The following SPATS2L variants were observed in gnomAD, a reference collection of about 807,000 sequenced individuals.
SPATS2L encodes the protein spermatogenesis associated serine rich 2 like.
A neutral mutation model predicts 59.6 loss-of-function variants in SPATS2L; 30 were observed. That is an observed-to-expected ratio of 0.50 (90% CI 0.38 to 0.68). The LOEUF (loss-of-function observed/expected upper bound fraction) is 0.68. SPATS2L is among the 30% of genes least tolerant of loss of function. SPATS2L has a pLI of 0.00. For synonymous variants in SPATS2L, 252 were observed against 263.5 expected, an observed-to-expected ratio of 0.96 and a Z score of 0.42; for missense variants, 615 against 700.0, an observed-to-expected ratio of 0.88 and a Z score of 1.37.
At chr2:200,392,268 G>A (rs2082194257) in intron 3 of SPATS2L, among the ~76,000 whole-genome samples, 1 of 152,108 alleles carries the variant, frequency 6.6e-6, no homozygotes, top group South Asian at 2.1e-4. Context: ...TGACGTTTAA[G>A]TTGATCACCA....
At chr2:200,396,427 A>T (rs1469319548) in intron 3 of SPATS2L, among the ~76,000 whole-genome samples, 1 of 152,180 alleles carries the variant, frequency 6.6e-6, no homozygotes, top group Non-Finnish European at 1.5e-5. Flanking sequence ...TGGAGATAGA[A>T]GGTGTTCATG....
intron 11 of SPATS2L, 27 bp from the exon 12 acceptor site, chr2:200,472,805 G>A (rs777764312): frequency 6.3e-6 from 10 of 1,592,664 alleles, no homozygotes; most frequent in Middle Eastern, 1.7e-4. Context: ...GGTGCAGCTC[G>A]TAACACTGAG....
intron 1 of SPATS2L, among the ~76,000 whole-genome samples, chr2:200,310,946 A>G (rs1379028565): frequency 1.3e-5 from 2 of 152,222 alleles, no homozygotes; most frequent in African/African-American, 4.8e-5. Context: ...TCGTTCCTCT[A>G]GACCATCACA....
In SPATS2L at chr2:200,416,448, TA is replaced by T; in HGVS notation, c.198+23del. On this transcript the variant is annotated intron_variant, in intron 5 of 12. Coordinates refer to ENST00000409140, the MANE Select transcript of SPATS2L (RefSeq NM_001100423.2). ...AAGAAGGTAAGATTAATATTGATTG[TA>T]AATTGGTAACATCTTCAATCAAAAC... 1 of 1,306,296 alleles carries T rather than the reference TA, an allele frequency of 7.7e-7. No individual in the cohort carries two copies. The highest frequency in any genetic ancestry group is 1.0e-6 in the Non-Finnish European group (1 of 957,962). The allele number at this position is 1,306,296 out of a possible 1,614,324, so 80.9% of individuals were successfully genotyped here.
At chr2:200,360,783 C>CT (rs986480309) in intron 2 of SPATS2L, among the ~76,000 whole-genome samples, 7 of 152,060 alleles carry the variant, frequency 4.6e-5, no homozygotes, top group African/African-American at 1.2e-4. Flanking sequence ...AGCACTCTTT[C>CT]TTTTTTTACC....
At chr2:200,469,874 T>G (rs766854218) in intron 10 of SPATS2L, 40 bp from the exon 11 acceptor site, 12 of 1,532,562 alleles carry the variant, frequency 7.8e-6, no homozygotes, top group Non-Finnish European at 9.8e-6. Context: ...TGGTCATTTC[T>G]GTAATCATGG....
chr2:200,421,191 T>C (rs998739800), intron 6 of SPATS2L, among the ~76,000 whole-genome samples: 4 of 152,166 alleles, frequency 2.6e-5, no homozygotes, highest in Admixed American at 2.0e-4. Context: ...CTGGTGAGTT[T>C]AAGGTTTGGG....
chr2:200,405,089 A>G (rs1028734153), intron 3 of SPATS2L, among the ~76,000 whole-genome samples: 1 of 152,194 alleles, frequency 6.6e-6, no homozygotes, highest in Non-Finnish European at 1.5e-5. Flanking sequence ...GGATAAGGCC[A>G]TGGACGTCTT....
chr2:200,377,987 G>T (rs1356986040), intron 2 of SPATS2L: 2 of 152,476 alleles, frequency 1.3e-5, no homozygotes, highest in Non-Finnish European at 2.9e-5. Context: ...TGAGTGTAAA[G>T]GTTGCAAGTT....
intron 8 of SPATS2L, among the ~76,000 whole-genome samples, chr2:200,458,043 C>T (rs963414196): frequency 1.3e-5 from 2 of 151,902 alleles, no homozygotes; most frequent in Non-Finnish European, 2.9e-5. Context: ...TACAAACAAG[C>T]AAAAAAATCT....
chr2:200,438,993 G>A (rs2084498055), intron 6 of SPATS2L, 129 bp from the exon 7 acceptor site: 6 of 688,624 alleles, frequency 8.7e-6, no homozygotes, highest in Non-Finnish European at 1.5e-5. Context: ...ACAGTTTCTT[G>A]ACTGTTTGCA....
chr2:200,442,802 C>T (rs570931204), intron 8 of SPATS2L, among the ~76,000 whole-genome samples: 5 of 152,264 alleles, frequency 3.3e-5, no homozygotes, highest in South Asian at 4.2e-4. Flanking sequence ...GAGCTGAAAG[C>T]GTGGGGCCAG....
chr2:200,352,542 G>A (rs1216784110), intron 2 of SPATS2L, among the ~76,000 whole-genome samples: 1 of 151,178 alleles, frequency 6.6e-6, no homozygotes, highest in East Asian at 1.9e-4. Context: ...TTAACCCTTA[G>A]CTCTAGAATA....
At chr2:200,459,643 G>A (rs757845725) in intron 8 of SPATS2L, 126 bp from the exon 9 acceptor site, 12 of 748,196 alleles carry the variant, frequency 1.6e-5, no homozygotes, top group Non-Finnish European at 2.7e-5. Context: ...TGGCATTGTA[G>A]CATAGAAATA....
chr2:200,412,894 A>AT (rs1553524724), intron 4 of SPATS2L, among the ~76,000 whole-genome samples: 4 of 151,776 alleles, frequency 2.6e-5, no homozygotes, highest in East Asian at 1.9e-4. Context: ...TCTATAAAAA[A>AT]ATATATATAT....
chr2:200,458,226 T>C (rs1315542830), intron 8 of SPATS2L, among the ~76,000 whole-genome samples: 1 of 152,224 alleles, frequency 6.6e-6, no homozygotes, highest in African/African-American at 2.4e-5. Flanking sequence ...AGTTATAGAA[T>C]GTGAATATCT....
chr2:200,353,981 T>A (rs560792125), intron 2 of SPATS2L, among the ~76,000 whole-genome samples: 1 of 152,298 alleles, frequency 6.6e-6, no homozygotes, highest in African/African-American at 2.4e-5. Flanking sequence ...AGTGAGGGCT[T>A]AATGAAGTTA....
chr2:200,418,426 T>A (rs1371183256), intron 5 of SPATS2L, among the ~76,000 whole-genome samples: 2 of 151,902 alleles, frequency 1.3e-5, no homozygotes, highest in Non-Finnish European at 2.9e-5. Flanking sequence ...TTTTAAAAAA[T>A]AGCTGCATGT....
intron 2 of SPATS2L, among the ~76,000 whole-genome samples, chr2:200,361,144 A>G (rs1423358146): frequency 1.5e-5 from 2 of 137,336 alleles, no homozygotes; most frequent in Non-Finnish European, 3.0e-5. Flanking sequence ...CACTGTTCCT[A>G]CCATTAAATT....
Sources: gnomAD v4.1 joint callset for allele counts (sites outside exome capture counted in the v4.1 genomes callset) on GRCh38, gnomAD v4.1.1 for gene constraint, MANE v1.5 for transcripts, NCBI Gene and HGNC (gene_info 2026-07-23, HGNC 2026-07-21) for gene names.